The following ABCC11 variants were observed in gnomAD, a reference collection of about 807,000 sequenced individuals.
ABCC11 encodes the protein ATP-binding cassette sub-family C member 11.
A neutral mutation model predicts 149.3 loss-of-function variants in ABCC11; 135 were observed. The observed-to-expected ratio is 0.90, with a 90% CI of 0.79 to 1.04. The LOEUF (loss-of-function observed/expected upper bound fraction) is 1.04, where lower values mean the gene tolerates loss of function less well. Ranked by LOEUF, ABCC11 falls within the 50% of genes least tolerant of loss-of-function variation. The pLI is 0.00. For synonymous variants in ABCC11, 665 were observed against 671.4 expected (o/e 0.99, Z 0.15); for missense variants, 1,680 against 1,722.1 (o/e 0.98, Z 0.43).
intron 12 of ABCC11, among the ~76,000 whole-genome samples, chr16:48,207,464 G>A (rs1405807096): frequency 2.6e-5 from 4 of 152,010 alleles, no homozygotes; most frequent in South Asian, 2.1e-4. Context: ...CCAGGAGTTC[G>A]AGACCAGCCT....
chr16:48,227,400 G>A (rs955483620), intron 4 of ABCC11, among the ~76,000 whole-genome samples: 53 of 151,358 alleles, frequency 3.5e-4, no homozygotes, highest in African/African-American at 1.1e-3. Context: ...CTTGAACCCA[G>A]GAGGCAGAGG....
chr16:48,164,989 C>T (rs2150693824), downstream of ABCC11: 1 of 152,160 alleles, frequency 6.6e-6, no homozygotes, highest in African/African-American at 2.4e-5. Context: ...GAATTATCTC[C>T]GGGGATCCGG....
In ABCC11 at chr16:48,208,500, C is replaced by A. The variant is rs527460758; in HGVS notation, c.1609-4G>T. 12 of 1,613,968 alleles carry A rather than the reference C, an allele frequency of 7.4e-6. No individual in the cohort carries two copies. In the African/African-American group the frequency reaches 1.2e-4, roughly 16 times the overall value. On this transcript the variant is annotated splice_polypyrimidine_tract_variant and splice_region_variant and intron_variant, in intron 11 of 29. Transcript: ENST00000356608. ...CGCAGACCCCTAACATCATCCCCTGCAAGCCAAGGAGGACATACAAGTGTT... is the reference window on the plus strand; with the variant it reads ...CGCAGACCCCTAACATCATCCCCTGAAAGCCAAGGAGGACATACAAGTGTT...
intron 12 of ABCC11, among the ~76,000 whole-genome samples, chr16:48,207,458 G>A (rs1175416391): frequency 6.6e-6 from 1 of 152,108 alleles, no homozygotes; most frequent in Non-Finnish European, 1.5e-5. Context: ...TTGAGGCCAG[G>A]AGTTCGAGAC....
chr16:48,209,724 C>T (rs1968753829), intron 11 of ABCC11: 2 of 152,180 alleles, frequency 1.3e-5, no homozygotes, highest in Admixed American at 1.3e-4. Context: ...ATACAAACTA[C>T]CTATTGGGTA....
chr16:48,217,303 A>G (rs1473857914), intron 6 of ABCC11, among the ~76,000 whole-genome samples: 2 of 151,972 alleles, frequency 1.3e-5, no homozygotes, highest in African/African-American at 2.4e-5. Context: ...CTCCTCCCAC[A>G]TATACTGCCT....
At chr16:48,212,785 T>C (rs1969033094) in intron 10 of ABCC11, among the ~76,000 whole-genome samples, 1 of 152,234 alleles carries the variant, frequency 6.6e-6, no homozygotes, top group Non-Finnish European at 1.5e-5. Context: ...ACTGCATGTA[T>C]GTAAAAGTGG....
intron 18 of ABCC11, 27 bp downstream of exon 18, chr16:48,196,205 A>G (rs773276631): frequency 6.2e-7 from 1 of 1,611,612 alleles, no homozygotes; most frequent in South Asian, 1.1e-5. Context: ...TCCAAGAGAG[A>G]GCCCTGGGCT....
rs181298324 is a variant in ABCC11 at position 48,196,157 on chromosome 16, C to T, written c.2404+75G>A. 1.7e-4 allele frequency: 254 copies of T among 1,475,546 alleles called. No individual in the cohort carries two copies. In the South Asian group the frequency reaches 2.2e-3, roughly 13 times the overall value. The allele number at this position is 1,475,546 out of a possible 1,614,324, so 91.4% of individuals were successfully genotyped here. A position where few individuals can be genotyped will look rare whatever the true frequency, so the allele number is the denominator to read the frequency against. On this transcript the variant is annotated intron_variant, in intron 18 of 29. Coordinates refer to ENST00000356608, the MANE Select transcript of ABCC11 (RefSeq NM_001370497.1). The stretch of plus-strand genomic sequence containing the variant: ...GACCTCTCTACTTCACATGACCTCA[C>T]GTGTTCCAATCTGACCCAGTTCCAG...
chr16:48,245,459 C>T (rs1971314260), intron 1 of ABCC11, among the ~76,000 whole-genome samples: 2 of 152,236 alleles, frequency 1.3e-5, no homozygotes, highest in East Asian at 3.8e-4. Flanking sequence ...GTATATTCCA[C>T]TTTGCACCAT....
At chr16:48,174,450 C>T (rs1358925025) in intron 26 of ABCC11, among the ~76,000 whole-genome samples, 3 of 152,208 alleles carry the variant, frequency 2.0e-5, no homozygotes, top group Non-Finnish European at 4.4e-5. Context: ...CCATCTTCCT[C>T]AGTCCCCATG....
rs1171779832 is a variant in ABCC11, at chr16:48,170,095, G to A, written c.3891+10C>T. On this transcript the variant is annotated intron_variant, in intron 28 of 29. Transcript: ENST00000356608. The stretch of plus-strand genomic sequence containing the variant: ...GGCTTCCCCTGGCCACACGGCAGTG[G>A]TGGCCTCACCTTGGAGTTGCGAAGC... 1.9e-6 allele frequency: 3 copies of A among 1,610,698 alleles called. No individual in the cohort carries two copies. Among genetic ancestry groups the A allele is most frequent in the South Asian group, 2.2e-5 (2 of 90,968 alleles).
chr16:48,207,817 G>C (rs999704654), intron 12 of ABCC11, among the ~76,000 whole-genome samples: 1 of 152,068 alleles, frequency 6.6e-6, no homozygotes, highest in South Asian at 2.1e-4. Flanking sequence ...GGAATGGGGG[G>C]TTCAAATCTC....
In ABCC11 at chr16:48,231,851, C is replaced by T. The variant is rs1237030305; in HGVS notation, c.71G>A (p.Gly24Asp). The T allele has an allele frequency of 6.2e-7, 1 of 1,614,114 alleles. No homozygotes were observed. The highest frequency in any genetic ancestry group is 1.3e-5 in the African/African-American group (1 of 75,038). ...AATAAGTCCTGAAACCATGTCATCG[C>T]CTATGTCGATGCCACGATTCACGAG... The part of the protein sequence containing the change: ...GGLVNRGIDI[G>D]DDMVSGLIYK... The change falls in exon 2 of 30, where the codon GGC becomes GAC. Residue 24 changes from glycine to aspartate, a missense_variant. Gly to Asp is a moderately conservative substitution (Grantham distance 94). Coordinates refer to ENST00000356608, the MANE Select transcript of ABCC11 (RefSeq NM_001370497.1).
intron 1 of ABCC11, 37 bp from the exon 2 acceptor site, chr16:48,231,976 C>G: frequency 6.2e-7 from 1 of 1,611,746 alleles, no homozygotes; most frequent in South Asian, 1.1e-5. Context: ...GAAAAGACAG[C>G]AGGAGTTAGA....
In ABCC11 at chr16:48,234,372, A is replaced by AT. The variant is rs372376936; in HGVS notation, c.-18-2434dup. Reference sequence around the variant, plus strand: ...ATTTATTTAATTGTAAGTTTATATAATTTTTTTTTTATTAATGTTTGTGTT... The same window carrying AT: ...ATTTATTTAATTGTAAGTTTATATAATTTTTTTTTTTATTAATGTTTGTGTT... On this transcript the variant is annotated intron_variant, in intron 1 of 29. Coordinates refer to ENST00000356608, the MANE Select transcript of ABCC11 (RefSeq NM_001370497.1). Among the ~76,000 whole-genome samples, 951 of 151,116 alleles carry AT rather than the reference A, an allele frequency of 6.3e-3. 7 individuals carry two copies. The highest frequency in any genetic ancestry group is 0.031 in the Middle Eastern group (9 of 292).
At chr16:48,229,453 CTTTTTTT>C (rs940739382) in intron 3 of ABCC11, among the ~76,000 whole-genome samples, 2 of 119,094 alleles carry the variant, frequency 1.7e-5, no homozygotes, top group Admixed American at 8.6e-5. Context: ...AGGCTGGTAA[CTTTTTTT>C]TTTTTTTTTT....
intron 20 of ABCC11, among the ~76,000 whole-genome samples, chr16:48,190,789 C>A (rs769529192): frequency 1.3e-5 from 2 of 152,220 alleles, no homozygotes; most frequent in Non-Finnish European, 2.9e-5. Context: ...ATAAGCAACT[C>A]TGTATATGAC....
intron 17 of ABCC11, among the ~76,000 whole-genome samples, chr16:48,197,440 G>C (rs1435483420): frequency 6.6e-6 from 1 of 152,196 alleles, no homozygotes; most frequent in African/African-American, 2.4e-5. Context: ...GAGAGGTTAA[G>C]TTAGATGGCT....
Sources: allele counts gnomAD v4.1 joint callset (sites outside exome capture counted in the v4.1 genomes callset), GRCh38; gene constraint gnomAD v4.1.1; transcripts MANE v1.5; gene names NCBI Gene and HGNC (gene_info 2026-07-23, HGNC 2026-07-21).